Variants in ESRRB observed in about 807,000 individuals in gnomAD.
ESRRB encodes the protein estrogen related receptor beta, also known as steroid hormone receptor ERR2.
In ESRRB, 16 loss-of-function variants were observed where a neutral mutation model predicts 46.0. That is an observed-to-expected ratio of 0.35 (90% CI 0.24 to 0.53). ESRRB has a LOEUF of 0.53. Among genes scored for constraint, ESRRB ranks in the 20% least tolerant of loss-of-function variants. The probability of loss-of-function intolerance (pLI) is 0.93; values close to 1 mark genes in which losing one functional copy is unlikely to be tolerated. For synonymous variants in ESRRB, 246 were observed against 259.6 expected, an observed-to-expected ratio of 0.95 and a Z score of 0.50; for missense variants, 488 against 607.4, an observed-to-expected ratio of 0.80 and a Z score of 2.07.
intron 1 of ESRRB, among the ~76,000 whole-genome samples, chr14:76,388,234 A>G (rs1301731997): frequency 7.2e-6 from 1 of 138,976 alleles, no homozygotes; most frequent in Non-Finnish European, 1.5e-5. Flanking sequence ...GCTGGAGTGC[A>G]GTGGCGCAAT....
intron 1 of ESRRB, among the ~76,000 whole-genome samples, chr14:76,377,157 G>A (rs1470913776): frequency 1.3e-5 from 2 of 152,210 alleles, no homozygotes; most frequent in Admixed American, 6.5e-5. Flanking sequence ...CGCTCGCGGT[G>A]CCAGAACCTG....
rs1302985790 is a variant in ESRRB at position 76,439,739 on chromosome 14, G to A, written c.449G>A (p.Arg150Lys). The A allele has an allele frequency of 6.2e-7, 1 of 1,613,748 alleles. No homozygotes were observed. The highest frequency in any genetic ancestry group is 2.2e-5 in the East Asian group (1 of 44,874). ...GAGGCTTGCAAGGCCTTCTTCAAGA[G>A]GACTATCCAAGGTGCGTGGTGGGCC... is the stretch of plus-strand genomic sequence containing the variant. Reference protein sequence around the residue: ...SCEACKAFFKRTIQGNIEYSC... With the variant: ...SCEACKAFFKKTIQGNIEYSC... The change falls in exon 2 of 7, where the codon AGG becomes AAG. Residue 150 changes from arginine (R) to lysine (K), a missense_variant. Physicochemically the swap from Arg to Lys is conservative, Grantham distance 26. Transcript: ENST00000644823.
chr14:76,478,195 CT>C (rs1371451344), intron 3 of ESRRB, among the ~76,000 whole-genome samples: 1 of 152,186 alleles, frequency 6.6e-6, no homozygotes, highest in East Asian at 1.9e-4. Flanking sequence ...TGAGCCGCCC[CT>C]GGCCTTAACG....
intron 1 of ESRRB, among the ~76,000 whole-genome samples, chr14:76,410,786 T>A (rs184875206): frequency 0.011 from 1,604 of 152,156 alleles, 14 homozygotes; most frequent in Non-Finnish European, 0.016. Context: ...TATTTTTTTT[T>A]ATTTTTTTAT....
chr14:76,387,415 G>A (rs376987267), intron 1 of ESRRB, among the ~76,000 whole-genome samples: 3 of 152,198 alleles, frequency 2.0e-5, no homozygotes, highest in Admixed American at 1.3e-4. Context: ...TTCCCTTGGT[G>A]GGGTGTATGG....
At chr14:76,464,314 A>G (rs1455519728) in intron 3 of ESRRB, among the ~76,000 whole-genome samples, 1 of 151,946 alleles carries the variant, frequency 6.6e-6, no homozygotes, top group African/African-American at 2.4e-5. Context: ...CACTCCTGCT[A>G]CCCCCTCTCC....
chr14:76,468,941 T>C (rs1387932458), intron 3 of ESRRB, among the ~76,000 whole-genome samples: 2 of 152,144 alleles, frequency 1.3e-5, no homozygotes, highest in African/African-American at 4.8e-5. Context: ...CTTACCCTCC[T>C]ACCATTGAAT....
At chr14:76,419,199 G>C (rs1288903030) in intron 1 of ESRRB, among the ~76,000 whole-genome samples, 1 of 151,852 alleles carries the variant, frequency 6.6e-6, no homozygotes, top group Non-Finnish European at 1.5e-5. Context: ...ATTTTTAGTA[G>C]AGATGGGGTT....
intron 1 of ESRRB, among the ~76,000 whole-genome samples, chr14:76,355,429 C>T (rs1015438884): frequency 2.0e-5 from 3 of 152,196 alleles, no homozygotes; most frequent in Non-Finnish European, 4.4e-5. Flanking sequence ...ACCACTCCCT[C>T]TTGGGCCCAA....
chr14:76,372,779 C>T (rs1290732750), upstream of ESRRB, among the ~76,000 whole-genome samples: 1 of 152,192 alleles, frequency 6.6e-6, no homozygotes, highest in African/African-American at 2.4e-5. Flanking sequence ...TTGCAATGAG[C>T]TGAGATCATG....
At chr14:76,358,948 G>A (rs1884431595) in intron 1 of ESRRB, among the ~76,000 whole-genome samples, 1 of 152,222 alleles carries the variant, frequency 6.6e-6, no homozygotes, top group Admixed American at 6.5e-5. Flanking sequence ...CAAGTCTGTG[G>A]TGGGACCCGA....
intron 3 of ESRRB, among the ~76,000 whole-genome samples, chr14:76,464,716 A>G (rs1173696211): frequency 6.6e-6 from 1 of 152,140 alleles, no homozygotes; most frequent in Non-Finnish European, 1.5e-5. Context: ...TTTTGACTCT[A>G]TATAATTTTG....
intron 1 of ESRRB, among the ~76,000 whole-genome samples, chr14:76,395,563 C>T (rs189665954): frequency 4.6e-5 from 7 of 152,220 alleles, no homozygotes; most frequent in Admixed American, 3.3e-4. Context: ...GTCACCTAAC[C>T]TCCCTGTGCA....
At chr14:76,330,819 G>A (rs1319095757) in intron 1 of ESRRB, among the ~76,000 whole-genome samples, 2 of 152,208 alleles carry the variant, frequency 1.3e-5, no homozygotes, top group Non-Finnish European at 2.9e-5. Flanking sequence ...GATGGGGGCA[G>A]GGGTATGCTG....
At chr14:76,474,797 A>C (rs1445963800) in intron 3 of ESRRB, among the ~76,000 whole-genome samples, 1 of 151,608 alleles carries the variant, frequency 6.6e-6, no homozygotes, top group Non-Finnish European at 1.5e-5. Context: ...AGCCTGGGTG[A>C]CAAACTGCGA....
At chr14:76,433,381 A>G (rs1887536252) in intron 1 of ESRRB, among the ~76,000 whole-genome samples, 1 of 152,114 alleles carries the variant, frequency 6.6e-6, no homozygotes, top group African/African-American at 2.4e-5. Context: ...TGGTAATGAC[A>G]CTGGACCAGC....
intron 1 of ESRRB, among the ~76,000 whole-genome samples, chr14:76,342,651 C>A (rs565910156): frequency 1.3e-5 from 2 of 152,170 alleles, no homozygotes; most frequent in Non-Finnish European, 2.9e-5. Flanking sequence ...GAATTTGGTC[C>A]GCATGAGCTT....
intron 5 of ESRRB, among the ~76,000 whole-genome samples, chr14:76,483,919 T>C (rs1422954604): frequency 7.9e-5 from 12 of 152,220 alleles, no homozygotes; most frequent in Admixed American, 7.9e-4. Context: ...AATGGCGCGA[T>C]CTCGGCTCAC....
Position 76,482,762 on chromosome 14 carries a change from G to A in ESRRB, c.850+3G>A, listed in dbSNP as rs368010964. On this transcript the variant is annotated splice_donor_region_variant and intron_variant, in intron 5 of 6. Coordinates refer to ENST00000644823, the MANE Select transcript of ESRRB (RefSeq NM_001379180.1). This position sits in a 1 kb window ranked among gnomAD's most constrained non-coding sequence, Gnocchi z 4.3. ...TGGCTGGGCCAAGCACATCCCAGGT[G>A]AGCATGTGGGACCAGGGGAGAGTGT... 8 of 1,613,818 alleles carry A rather than the reference G, an allele frequency of 5.0e-6. No individual in the cohort carries two copies. Among genetic ancestry groups the A allele is most frequent in the Non-Finnish European group, 6.8e-6 (8 of 1,180,006 alleles).
Sources: allele counts gnomAD v4.1 joint callset (sites outside exome capture counted in the v4.1 genomes callset), GRCh38; gene constraint gnomAD v4.1.1; non-coding constraint Gnocchi (gnomAD v3.1); transcripts MANE v1.5; gene names NCBI Gene and HGNC (gene_info 2026-07-23, HGNC 2026-07-21).